The following MGA variants were observed in gnomAD, a reference collection of about 807,000 sequenced individuals.
MGA encodes the protein MAX gene-associated protein.
Under a neutral mutation model 261.1 loss-of-function variants are expected in MGA, and 40 were observed. The observed-to-expected ratio is 0.15, with a 90% CI of 0.12 to 0.20. The LOEUF is 0.20. Among genes scored for constraint, MGA ranks in the 10% least tolerant of loss-of-function variants. The pLI is 1.00. For missense variants in MGA, 3,397 were observed against 3,630.5 expected, an observed-to-expected ratio of 0.94 and a Z score of 1.65; for synonymous variants, 1,302 against 1,290.6, an observed-to-expected ratio of 1.01 and a Z score of -0.19.
At position 41,721,876 on chromosome 15, in the gene MGA, A is replaced by G. The variant is rs781087954; in HGVS notation, c.3431-5304A>G. ...AGAGTAACAAGCAGAACTGTATTAT[A>G]TAAGAATATTTACATGATTCTCACA... On this transcript the variant is annotated intron_variant, in intron 9 of 23. Transcript: ENST00000219905. Among the ~76,000 whole-genome samples the G allele has an allele frequency of 3.9e-5, 6 of 152,340 alleles. No individual in the cohort carries two copies. The East Asian group carries it at 9.6e-4, about 24-fold the overall frequency.
intron 10 of MGA, 36 bp from the exon 11 acceptor site, chr15:41,729,128 C>T (rs1373675635): frequency 6.3e-7 from 1 of 1,588,710 alleles, no homozygotes; most frequent in East Asian, 2.2e-5. Flanking sequence ...GAGTTTTTCC[C>T]ACTGTATGGA....
chr15:41,742,703 G>A lies in MGA; in HGVS notation c.4743G>A (p.Val1581=). 1.2e-6 allele frequency: 2 copies of A among 1,613,946 alleles called. No individual in the cohort carries two copies. The highest frequency in any genetic ancestry group is 8.5e-7 in the Non-Finnish European group (1 of 1,179,868). Residue 1581 remains valine (V), a synonymous_variant, in exon 15 of 24, where the codon GTG becomes GTA. Coordinates refer to ENST00000219905, the MANE Select transcript of MGA (RefSeq NM_001164273.2). Reference sequence around the variant, plus strand: ...CTCCAGTAATGGTCGTCACACCTGTGGTTTCTTCTGAGCCAGTTCAGGTGT... The same window carrying A: ...CTCCAGTAATGGTCGTCACACCTGTAGTTTCTTCTGAGCCAGTTCAGGTGT...
chr15:41,718,301 G>GTATATATATA (rs57814590), intron 9 of MGA: 11 of 193,550 alleles, frequency 5.7e-5, no homozygotes, highest in African/African-American at 2.8e-4. Flanking sequence ...GTGTGTGTGT[G>GTATATATATA]TATATATATA....
At chr15:41,680,699 GC>G (rs2058622485) in intron 2 of MGA, among the ~76,000 whole-genome samples, 1 of 152,194 alleles carries the variant, frequency 6.6e-6, no homozygotes, top group South Asian at 2.1e-4. Context: ...GGTCTCACAT[GC>G]AGAGCTTCCA....
intron 18 of MGA, among the ~76,000 whole-genome samples, chr15:41,756,929 A>G (rs952195648): frequency 2.0e-5 from 3 of 151,882 alleles, no homozygotes; most frequent in African/African-American, 7.3e-5. Context: ...AATGAGTTGC[A>G]GAAAGATATA....
intron 1 of MGA, among the ~76,000 whole-genome samples, chr15:41,634,523 G>A (rs2056659780): frequency 6.6e-6 from 1 of 152,174 alleles, no homozygotes; most frequent in Non-Finnish European, 1.5e-5. Context: ...GTGTATGTAT[G>A]TTTGAATATC....
chr15:41,735,417 G>C (rs1482708720), intron 12 of MGA, among the ~76,000 whole-genome samples: 1 of 152,152 alleles, frequency 6.6e-6, no homozygotes, highest in Non-Finnish European at 1.5e-5. Flanking sequence ...ATTTGCAGTA[G>C]AAATTAGAGT....
rs1242765882 is a variant in MGA, at chr15:41,767,464, A to G, written c.*184A>G. 1.6e-6 allele frequency: 1 copy of G among 643,364 alleles called. No homozygotes were observed. Among genetic ancestry groups the G allele is most frequent in the African/African-American group, 1.8e-5 (1 of 54,800 alleles). 39.9% of individuals were successfully genotyped at this position (643,364 alleles called of 1,614,324 possible). On this transcript the variant is annotated 3_prime_UTR_variant, in exon 24 of 24. Transcript: ENST00000219905. ...GTATAAGAAGTACTCTGAAATTCTG[A>G]TCATGTTAAAATGTGTTACCTCACT...
Position 41,701,254 on chromosome 15 carries a change from TTTG to T in MGA, c.2188+2098_2188+2100del, listed in dbSNP as rs572287178. Among the ~76,000 whole-genome samples the T allele has an allele frequency of 2.6e-4, 40 of 152,328 alleles. No homozygotes were observed. The South Asian group carries it at 7.9e-3, about 30-fold the overall frequency. On this transcript the variant is annotated intron_variant, in intron 5 of 23. Transcript: ENST00000219905. ...TTCTCCCTTTTCCACTTCCATTTTT[TTTG>T]TTATTTTCTTGATAATGTAGAAATA...
Position 41,703,002 on chromosome 15 carries a change from A to G in MGA, c.2188+3843A>G, listed in dbSNP as rs923741020. On this transcript the variant is annotated intron_variant, in intron 5 of 23. Coordinates refer to ENST00000219905, the MANE Select transcript of MGA (RefSeq NM_001164273.2). ...ATTTCTCCTATTAATATCTAACATA[A>G]GATTGGTACATTTGTTACAGTTAGT... Among the ~76,000 whole-genome samples, 20 of 152,280 alleles carry G rather than the reference A, an allele frequency of 1.3e-4. 1 individual carries two copies. In the East Asian group the frequency reaches 3.9e-3, roughly 29 times the overall value.
chr15:41,733,557 G>A (rs540333969), intron 11 of MGA, among the ~76,000 whole-genome samples: 2 of 152,258 alleles, frequency 1.3e-5, no homozygotes, highest in East Asian at 3.9e-4. Flanking sequence ...TGACTCCCCG[G>A]AAAACCACTA....
chr15:41,713,631 T>A (rs2060488442), intron 9 of MGA, 135 bp downstream of exon 9: 2 of 1,086,782 alleles, frequency 1.8e-6, no homozygotes, highest in Non-Finnish European at 2.5e-6. Context: ...TATCCTTACA[T>A]GCTCTTTCTG....
intron 1 of MGA, among the ~76,000 whole-genome samples, chr15:41,654,495 A>G (rs1192958487): frequency 2.0e-5 from 3 of 152,164 alleles, no homozygotes; most frequent in African/African-American, 7.2e-5. Flanking sequence ...GATGTCCAAT[A>G]GTTGGGGAAT....
intron 18 of MGA, among the ~76,000 whole-genome samples, chr15:41,755,611 A>G (rs1286051407): frequency 1.3e-5 from 2 of 152,262 alleles, no homozygotes; most frequent in Non-Finnish European, 2.9e-5. Flanking sequence ...TTGAAAGACG[A>G]AGAGGAATTC....
intron 15 of MGA, among the ~76,000 whole-genome samples, chr15:41,748,092 GC>G (rs2062607762): frequency 6.6e-6 from 1 of 151,670 alleles, no homozygotes; most frequent in East Asian, 1.9e-4. Context: ...CCCTGTCTCT[GC>G]AAAGAATAAC....
chr15:41,761,693 A>C (rs537201347), intron 20 of MGA, 46 bp from the exon 21 acceptor site: 1 of 1,272,726 alleles, frequency 7.9e-7, no homozygotes, highest in African/African-American at 1.5e-5. Context: ...CTGTGTTTAA[A>C]GAAAGAGTGG....
Position 41,760,290 on chromosome 15 carries a change from C to T in MGA, c.7192-33C>T, listed in dbSNP as rs551970218. On this transcript the variant is annotated intron_variant, in intron 19 of 23. Coordinates refer to ENST00000219905, the MANE Select transcript of MGA (RefSeq NM_001164273.2). ...AGAGTAAGAGGGCCAACTACATGTT[C>T]AAGATGTTTAGGAGGCAATCTTGTT... 3.5e-5 allele frequency: 56 copies of T among 1,604,302 alleles called. No homozygotes were observed. The African/African-American group carries it at 7.0e-4, about 20-fold the overall frequency.
intron 2 of MGA, among the ~76,000 whole-genome samples, chr15:41,690,633 T>C (rs183882949): frequency 1.4e-4 from 22 of 152,248 alleles, no homozygotes; most frequent in Admixed American, 1.4e-3. Context: ...GGCAGTAGGA[T>C]AGCTTGAGCC....
intron 1 of MGA, among the ~76,000 whole-genome samples, chr15:41,643,204 CTT>C (rs35165330): frequency 0.15 from 20,340 of 133,196 alleles, 2,230 homozygotes; most frequent in East Asian, 0.68. Flanking sequence ...GTGCCTGGCT[CTT>C]TTTTTTTTTT....
Sources: allele counts gnomAD v4.1 joint callset (sites outside exome capture counted in the v4.1 genomes callset), GRCh38; gene constraint gnomAD v4.1.1; transcripts MANE v1.5; gene names NCBI Gene and HGNC (gene_info 2026-07-23, HGNC 2026-07-21).